The following MED12 variants were observed in gnomAD, a reference collection of about 807,000 sequenced individuals.
MED12 encodes mediator of RNA polymerase II transcription subunit 12.
In MED12, 10 loss-of-function variants were observed where a neutral mutation model predicts 177.7. The observed-to-expected ratio is 0.06, with a 90% confidence interval of 0.03 to 0.10. The LOEUF is 0.10. Ranked by LOEUF, MED12 falls within the 10% of genes least tolerant of loss-of-function variation. The pLI, the probability that MED12 is intolerant of heterozygous loss-of-function variation, is 1.00. For missense variants in MED12, 867 were observed against 1,780.8 expected (o/e 0.49, Z 9.23); for synonymous variants, 641 against 678.4 (o/e 0.94, Z 0.86).
chrX:71,119,336 A>G, intron 1 of MED12, 37 bp from the exon 2 acceptor site: 2 of 1,070,363 alleles, frequency 1.9e-6, no homozygotes, highest in East Asian at 3.2e-5. Flanking sequence ...CCCTTCCCCT[A>G]AGGAAAAAAC....
In MED12 at chrX:71,119,749, G is replaced by C. The variant is rs2092284900; in HGVS notation, c.268G>C (p.Gly90Arg). The change falls in exon 3 of 45, where the codon GGT becomes CGT. Residue 90 changes from glycine to arginine, a missense_variant. Physicochemically the swap from Gly to Arg is moderately radical, Grantham distance 125. This residue lies in a region of MED12 where 42 missense variants were observed against 129.6 expected (regional missense o/e 0.32). Transcript: ENST00000374080. ...ACGTTGTAATACCCTTCCTGACACT[G>C]GTCGCAGGAAGCCCCAAGTGAACCA... is the stretch of plus-strand genomic sequence containing the variant. Reference protein sequence around the residue: ...KLRCNTLPDTGRRKPQVNQKD... With the variant: ...KLRCNTLPDTRRRKPQVNQKD... 1 of 1,208,859 alleles carries C rather than the reference G, an allele frequency of 8.3e-7. No individual in the cohort carries two copies. Among genetic ancestry groups the C allele is most frequent in the Non-Finnish European group, 1.1e-6 (1 of 894,351 alleles).
chrX:71,135,184 G>A lies in MED12; in HGVS notation c.4956G>A (p.Glu1652=), dbSNP rs1402464452. ...AGACCCGAGATGTCATCACGTGTGA[G>A]CCACAGGGCTCCCTTATCGATACCA... ...PKQTRDVITC[E]PQGSLIDTKG... Residue 1652 remains glutamate, a synonymous_variant, in exon 36 of 45, where the codon GAG becomes GAA. Transcript: ENST00000374080. 2 of 1,211,849 alleles carry A rather than the reference G, an allele frequency of 1.7e-6. No individual in the cohort carries two copies. Among genetic ancestry groups the A allele is most frequent in the East Asian group, 3.0e-5 (1 of 33,843 alleles).
At position 71,123,301 on chromosome X, in the gene MED12, A is replaced by C. The variant is rs1269256756; in HGVS notation, c.1617+75A>C. The C allele has an allele frequency of 2.6e-6, 3 of 1,136,832 alleles. No individual in the cohort carries two copies. The African/African-American group carries it at 5.4e-5, about 20-fold the overall frequency. The allele number at this position is 1,136,832 out of a possible 1,213,427, so 93.7% of individuals were successfully genotyped here. A position where few individuals can be genotyped will look rare whatever the true frequency, so the allele number is the denominator to read the frequency against. On this transcript the variant is annotated intron_variant, in intron 11 of 44. Coordinates refer to ENST00000374080, the MANE Select transcript of MED12 (RefSeq NM_005120.3). Reference sequence around the variant, plus strand: ...ACTGCGGTTGGAGACCGAGAGATGGAGGTGGTGGAGGGACCAGAGTTGAAG... The same window carrying C: ...ACTGCGGTTGGAGACCGAGAGATGGCGGTGGTGGAGGGACCAGAGTTGAAG...
intron 41 of MED12, among the ~76,000 whole-genome samples, chrX:71,138,570 CAA>C (rs200170344): frequency 9.3e-6 from 1 of 107,928 alleles, no homozygotes; most frequent in African/African-American, 3.4e-5. Context: ...CACACCTGGC[CAA>C]AAAAAAATTT....
Position 71,132,970 on chromosome X carries a change from G to C in MED12, c.4527+14G>C, listed in dbSNP as rs752411612. On this transcript the variant is annotated intron_variant, in intron 32 of 44. Coordinates refer to ENST00000374080, the MANE Select transcript of MED12 (RefSeq NM_005120.3). ...CAGGTGCACCAGGTACAGATCTCTG[G>C]GCCATGGAGGTGGGCAGGAGGTCAG... 7.9e-6 allele frequency: 9 copies of C among 1,145,941 alleles called. No individual in the cohort carries two copies. The South Asian group carries it at 1.7e-4, about 22-fold the overall frequency. The allele number at this position is 1,145,941 out of a possible 1,213,427, so 94.4% of individuals were successfully genotyped here. A position where few individuals can be genotyped will look rare whatever the true frequency, so the allele number is the denominator to read the frequency against.
chrX:71,140,758 ACAGCAGCAACAGCAACAG>A lies in MED12; in HGVS notation c.6177_6194del (p.Gln2071_Gln2076del). ...TACCTGAGCAGCAGCAGCAGCAGCAACAGCAGCAACAGCAACAGCAGCAGCAGCAGCAACAGCAACAGC... is the reference window on the plus strand; with the variant it reads ...TACCTGAGCAGCAGCAGCAGCAGCAACAGCAGCAGCAGCAACAGCAACAGC... On this transcript the variant is annotated inframe_deletion, in exon 42 of 45. Transcript: ENST00000374080. 8.3e-7 allele frequency: 1 copy of A among 1,208,131 alleles called. No homozygotes were observed. The highest frequency in any genetic ancestry group is 1.1e-6 in the Non-Finnish European group (1 of 894,123).
chrX:71,136,588 G>C lies in MED12; in HGVS notation c.5333G>C (p.Ser1778Thr), dbSNP rs1215426269. 1 of 1,205,303 alleles carries C rather than the reference G, an allele frequency of 8.3e-7. No homozygotes were observed. The highest frequency in any genetic ancestry group is 3.0e-5 in the East Asian group (1 of 33,618). Residue 1778 changes from serine to threonine, a missense_variant, in exon 37 of 45, where the codon AGT becomes ACT. Around this residue, in one of 14 missense-constraint regions of MED12, gnomAD observed 236 missense variants for 345.2 expected, o/e 0.68. Transcript: ENST00000374080. ...GACAAACCGGGGGCTGCTCCACCCA[G>C]TACTGAGGAACGCAAGAAGAAGTCC... ...KTDKPGAAPP[S>T]TEERKKKSTK...
At position 71,121,045 on chromosome X, in the gene MED12, G is replaced by T. The variant is rs1379201163; in HGVS notation, c.628G>T (p.Ala210Ser). Reference sequence around the variant, plus strand: ...GGCTGAATACTACCGGCCAGGGCCTGCAGGAAGTGGGGGCTGTGGTTCCAC... The same window carrying T: ...GGCTGAATACTACCGGCCAGGGCCTTCAGGAAGTGGGGGCTGTGGTTCCAC... ...KMAEYYRPGP[A>S]GSGGCGSTIG... The change falls in exon 5 of 45, where the codon GCA (alanine) becomes TCA (serine). Residue 210 changes from alanine (A) to serine (S), a missense_variant. Ala to Ser is a moderately conservative substitution (Grantham distance 99). Transcript: ENST00000374080. 8.3e-7 allele frequency: 1 copy of T among 1,210,087 alleles called. No homozygotes were observed. Among genetic ancestry groups the T allele is most frequent in the African/African-American group, 1.7e-5 (1 of 57,154 alleles).
rs1556337819 is a variant in MED12 at position 71,132,767 on chromosome X, C to CCTCTCCTCTT, written c.4416-74_4416-73insCCTCTTCTCT. On this transcript the variant is annotated intron_variant, in intron 31 of 44. Coordinates refer to ENST00000374080, the MANE Select transcript of MED12 (RefSeq NM_005120.3). The stretch of plus-strand genomic sequence containing the variant: ...TCCCTTTTCTCCTCTCCTCTTCTCT[C>CCTCTCCTCTT]CTCTTCTCTTCTCTTCTCTTCTCTT... The CCTCTCCTCTT allele has an allele frequency of 1.3e-3, 881 of 653,346 alleles. 2 individuals are homozygous for CCTCTCCTCTT. Among genetic ancestry groups the CCTCTCCTCTT allele is most frequent in the Non-Finnish European group, 1.7e-3 (754 of 437,107 alleles). The allele number at this position is 653,346 out of a possible 1,213,427, so 53.8% of individuals were successfully genotyped here. A position where few individuals can be genotyped will look rare whatever the true frequency, so the allele number is the denominator to read the frequency against.
intron 20 of MED12, 71 bp from the exon 21 acceptor site, chrX:71,127,265 A>T: frequency 1.7e-6 from 2 of 1,184,876 alleles, no homozygotes; most frequent in Non-Finnish European, 1.1e-6. Context: ...GGTATTTCCC[A>T]GAGGCTTGAA....
rs763971324 is a variant in MED12 at position 71,138,676 on chromosome X, G to A, written c.6044+733G>A. Among the ~76,000 whole-genome samples, 3 of 109,438 alleles carry A rather than the reference G, an allele frequency of 2.7e-5. No homozygotes were observed. In the South Asian group the frequency reaches 1.2e-3, roughly 44 times the overall value. ...GATTGCTTGAGCTTGGGAGTTTGAGGCTGCAGTGAGCTGTAATCGCACAAT... is the reference window on the plus strand; with the variant it reads ...GATTGCTTGAGCTTGGGAGTTTGAGACTGCAGTGAGCTGTAATCGCACAAT... On this transcript the variant is annotated intron_variant, in intron 41 of 44. Transcript: ENST00000374080.
At chrX:71,140,313 CTCA>C (rs1477617253) in intron 41 of MED12, among the ~76,000 whole-genome samples, 1 of 109,521 alleles carries the variant, frequency 9.1e-6, no homozygotes, top group Admixed American at 9.7e-5. Context: ...AACTCCTGAC[CTCA>C]AGTGATCCAC....
chrX:71,138,355 G>A (rs186124062), intron 41 of MED12, among the ~76,000 whole-genome samples: 151 of 110,278 alleles, frequency 1.4e-3, no homozygotes, highest in Non-Finnish European at 2.4e-3. Flanking sequence ...AAACAGAGTC[G>A]CACTCCATTT....
Position 71,118,712 on chromosome X carries a change from A to G in MED12, c.-43A>G. 2 of 1,152,331 alleles carry G rather than the reference A, an allele frequency of 1.7e-6. No individual in the cohort carries two copies. The highest frequency in any genetic ancestry group is 2.3e-6 in the Non-Finnish European group (2 of 851,957). 95.0% of individuals were successfully genotyped at this position (1,152,331 alleles called of 1,213,427 possible). A position where few individuals can be genotyped will look rare whatever the true frequency, so the allele number is the denominator to read the frequency against. On this transcript the variant is annotated 5_prime_UTR_variant, in exon 1 of 45. Transcript: ENST00000374080. ...TCTCCCCCTTCCCGTTCCCCCAGTC[A>G]GCCTGGCCCTGCTGGTGCCTCCGGC...
Position 71,122,361 on chromosome X carries a change from T to C in MED12, c.1248+15T>C, listed in dbSNP as rs187377817. 4.6e-3 allele frequency: 5,615 copies of C among 1,209,524 alleles called. 16 individuals are homozygous for C. The highest frequency in any genetic ancestry group is 5.6e-3 in the Non-Finnish European group (4,986 of 894,403). ...TCACTCAGCAGGTATGTCTGACCAC[T>C]AGCCTGGTACTCTCAGATTGGGCTA... On this transcript the variant is annotated intron_variant, in intron 8 of 44. Transcript: ENST00000374080.
chrX:71,135,233 G>A lies in MED12; in HGVS notation c.5005G>A (p.Asp1669Asn), dbSNP rs779481901. 1 of 1,211,681 alleles carries A rather than the reference G, an allele frequency of 8.3e-7. No individual in the cohort carries two copies. The highest frequency in any genetic ancestry group is 1.1e-6 in the Non-Finnish European group (1 of 895,529). ...DTKGNKIAGF[D>N]SIFKKEGLQV... Reference sequence around the variant, plus strand: ...CAAGGGCAACAAGATTGCTGGCTTCGATTCCATCTTCAAGAAGGAGGCATG... The same window carrying A: ...CAAGGGCAACAAGATTGCTGGCTTCAATTCCATCTTCAAGAAGGAGGCATG... The change falls in exon 36 of 45, where the codon GAT becomes AAT. Residue 1669 changes from aspartate to asparagine, a missense_variant. Around this residue, in one of 14 missense-constraint regions of MED12, gnomAD observed 36 missense variants for 141.5 expected, o/e 0.25. Coordinates refer to ENST00000374080, the MANE Select transcript of MED12 (RefSeq NM_005120.3).
At chrX:71,121,486 A>T (rs1361125692) in intron 6 of MED12, 49 bp downstream of exon 6, 5 of 1,209,919 alleles carry the variant, frequency 4.1e-6, no homozygotes, top group Non-Finnish European at 5.6e-6. Flanking sequence ...GTCTAAGAAG[A>T]ATTTGAGGAA....
intron 34 of MED12, 57 bp downstream of exon 34, chrX:71,134,523 C>G: frequency 1.1e-6 from 1 of 928,073 alleles, no homozygotes; most frequent in Non-Finnish European, 1.5e-6. Context: ...CCCCCTACTC[C>G]CATGCCAGGT....
At chrX:71,128,156 C>T (rs374984562) in intron 22 of MED12, 36 bp downstream of exon 22, 64 of 1,189,546 alleles carry the variant, frequency 5.4e-5, no homozygotes, top group Non-Finnish European at 5.9e-5. Context: ...GGCACCATGC[C>T]CCCATCTGAG....
Sources: allele counts gnomAD v4.1 joint callset (sites outside exome capture counted in the v4.1 genomes callset), GRCh38; gene constraint gnomAD v4.1.1; regional missense constraint gnomAD v4.1.1; transcripts MANE v1.5; gene names NCBI Gene and HGNC (gene_info 2026-07-23, HGNC 2026-07-21).